Variants in TANC2 observed in about 807,000 individuals in gnomAD.
TANC2 encodes the protein protein TANC2.
In TANC2, 26 loss-of-function variants were observed where a neutral mutation model predicts 210.5. The ratio of observed to expected loss-of-function variants is 0.12; its 90% CI spans 0.09 to 0.17. The LOEUF (loss-of-function observed/expected upper bound fraction) is 0.17, where lower values mean the gene tolerates loss of function less well. TANC2 is among the 10% of genes least tolerant of loss of function. The pLI is 1.00. For synonymous variants in TANC2, 931 were observed against 967.1 expected, an observed-to-expected ratio of 0.96 and a Z score of 0.69; for missense variants, 2,129 against 2,608.9, an observed-to-expected ratio of 0.82 and a Z score of 4.01.
Position 63,230,497 on chromosome 17 carries a change from G to A in TANC2, c.770-7317G>A, listed in dbSNP as rs147631802. 8.7e-4 allele frequency among the ~76,000 whole-genome samples: 132 copies of A among 152,262 alleles called. 1 individual carries two copies. Among genetic ancestry groups the A allele is most frequent in the Non-Finnish European group, 1.6e-3 (109 of 68,020 alleles). On this transcript the variant is annotated intron_variant, in intron 7 of 27. Coordinates refer to ENST00000689528, the Ensembl canonical transcript of TANC2. ...GTACATTGCCTGTTTGTTATCATTG[G>A]TTTCAAATAGCTTCTTGATTTCTGT...
chr17:63,319,108 C>A lies in TANC2; in HGVS notation c.1575+18C>A. On this transcript the variant is annotated intron_variant, in intron 11 of 27. Coordinates refer to ENST00000689528, the Ensembl canonical transcript of TANC2. ...CCTCGCAGGTACAATATGATTCCCA[C>A]GTTGGGGATATGGTAGTTCCATTTT... 6.2e-7 allele frequency: 1 copy of A among 1,604,818 alleles called. No homozygotes were observed. Among genetic ancestry groups the A allele is most frequent in the Non-Finnish European group, 8.5e-7 (1 of 1,175,362 alleles).
chr17:63,313,455 T>C (rs2045199058), intron 9 of TANC2: 1 of 152,196 alleles, frequency 6.6e-6, no homozygotes, highest in African/African-American at 2.4e-5. Context: ...GCACGTCACA[T>C]CAATTCTGCA....
chr17:63,255,183 CA>C (rs1324228562), intron 8 of TANC2, among the ~76,000 whole-genome samples: 3 of 151,952 alleles, frequency 2.0e-5, no homozygotes, highest in Non-Finnish European at 4.4e-5. Flanking sequence ...CGGCTCACTG[CA>C]AGCTCCACCT....
At chr17:63,174,431 A>G (rs2040508798) in intron 5 of TANC2, among the ~76,000 whole-genome samples, 1 of 152,244 alleles carries the variant, frequency 6.6e-6, no homozygotes, top group Non-Finnish European at 1.5e-5. Flanking sequence ...TCCTACGAAC[A>G]TTAAAGAAAG....
At chr17:63,130,679 C>A (rs1310388100) in intron 4 of TANC2, among the ~76,000 whole-genome samples, 1 of 152,002 alleles carries the variant, frequency 6.6e-6, no homozygotes, top group Non-Finnish European at 1.5e-5. Flanking sequence ...ATAATTGAGT[C>A]TGTATAATAA....
chr17:63,412,264 A>G lies in TANC2; in HGVS notation c.3898+134A>G. On this transcript the variant is annotated intron_variant, in intron 23 of 27. Coordinates refer to ENST00000689528, the Ensembl canonical transcript of TANC2. This position sits in a 1 kb window ranked among gnomAD's most constrained non-coding sequence, Gnocchi z 4.2. The stretch of plus-strand genomic sequence containing the variant: ...CCTGGCCCAATTATTGTCCAAGTGA[A>G]CAGAGAGGCTCTTGGCCCAGGGAAA... The G allele has an allele frequency of 7.7e-7, 1 of 1,298,858 alleles. No individual in the cohort carries two copies. Among genetic ancestry groups the G allele is most frequent in the Non-Finnish European group, 1.1e-6 (1 of 946,304 alleles). 80.5% of individuals were successfully genotyped at this position (1,298,858 alleles called of 1,614,324 possible).
chr17:63,188,326 G>T (rs1315602317), intron 5 of TANC2, among the ~76,000 whole-genome samples: 3 of 151,688 alleles, frequency 2.0e-5, no homozygotes, highest in Admixed American at 1.3e-4. Context: ...ATCTGGCTGG[G>T]TGCAGTGGCG....
chr17:63,399,097 G>A, intron 19 of TANC2, 183 bp downstream of exon 19: 1 of 418,248 alleles, frequency 2.4e-6, no homozygotes, highest in Non-Finnish European at 4.3e-6. Context: ...CTTTGCCTGT[G>A]GATTCTCCAT....
intron 7 of TANC2, among the ~76,000 whole-genome samples, chr17:63,218,721 C>T (rs557517400): frequency 5.9e-5 from 9 of 152,038 alleles, no homozygotes; most frequent in Non-Finnish European, 1.2e-4. Context: ...CATGGCGAAA[C>T]CTCCTTTCTA....
intron 9 of TANC2, among the ~76,000 whole-genome samples, chr17:63,273,234 C>T (rs2043769195): frequency 1.3e-5 from 2 of 151,882 alleles, no homozygotes; most frequent in African/African-American, 4.8e-5. Context: ...TACAGTGAGC[C>T]ATGAGCCATT....
rs997966810 is a variant in TANC2 at position 63,354,991 on chromosome 17, A to G, written c.2183A>G (p.Tyr728Cys). 8.1e-6 allele frequency: 13 copies of G among 1,613,804 alleles called. No homozygotes were observed. Among genetic ancestry groups the G allele is most frequent in the Admixed American group, 6.7e-5 (4 of 60,004 alleles). Reference sequence around the variant, plus strand: ...CTCAAGACCCTCAGTCAAGGGTCCTATCTATATCTGAAACTTACATTTGAC... The same window carrying G: ...CTCAAGACCCTCAGTCAAGGGTCCTGTCTATATCTGAAACTTACATTTGAC... The change falls in exon 14 of 28, where the codon TAT becomes TGT. Residue 728 changes from tyrosine (Y) to cysteine (C), a missense_variant. Coordinates refer to ENST00000689528, the Ensembl canonical transcript of TANC2.
At chr17:63,151,432 C>T in intron 5 of TANC2, 52 bp downstream of exon 5, 2 of 887,422 alleles carry the variant, frequency 2.3e-6, no homozygotes, top group Non-Finnish European at 2.7e-6. Context: ...TTGGATCAGG[C>T]CCATCCAGCA....
chr17:63,049,835 GAGA>G (rs2035515067), intron 2 of TANC2, among the ~76,000 whole-genome samples: 1 of 152,164 alleles, frequency 6.6e-6, no homozygotes, highest in African/African-American at 2.4e-5. Flanking sequence ...AGCAGAGGGT[GAGA>G]AGTAGTTTGG....
intron 2 of TANC2, among the ~76,000 whole-genome samples, chr17:63,026,631 C>T (rs2034565554): frequency 1.3e-5 from 2 of 152,072 alleles, no homozygotes; most frequent in South Asian, 4.1e-4. Context: ...GTTCCAGGCT[C>T]ATATTGGATA....
At chr17:63,259,297 G>C (rs907129142) in intron 8 of TANC2, among the ~76,000 whole-genome samples, 1 of 152,130 alleles carries the variant, frequency 6.6e-6, no homozygotes, top group Non-Finnish European at 1.5e-5. Flanking sequence ...GGTTAGTGGA[G>C]GGGTGACGTT....
chr17:63,315,624 A>G (rs1202964898), intron 10 of TANC2, among the ~76,000 whole-genome samples: 1 of 152,184 alleles, frequency 6.6e-6, no homozygotes, highest in Non-Finnish European at 1.5e-5. Context: ...GTCCAAATCA[A>G]TAATCTAGCC....
intron 10 of TANC2, 105 bp downstream of exon 10, chr17:63,314,774 T>C (rs1358880836): frequency 1.6e-5 from 23 of 1,400,924 alleles, no homozygotes; most frequent in Non-Finnish European, 2.2e-5. Context: ...CTGCAAAACC[T>C]GACTTCCACG....
chr17:63,138,719 T>C (rs1358943506), intron 4 of TANC2, among the ~76,000 whole-genome samples: 1 of 152,234 alleles, frequency 6.6e-6, no homozygotes, highest in African/African-American at 2.4e-5. Context: ...GATAAAATCC[T>C]TCACATATTT....
intron 2 of TANC2, among the ~76,000 whole-genome samples, chr17:63,020,995 G>A (rs2034322967): frequency 6.6e-6 from 1 of 152,018 alleles, no homozygotes; most frequent in African/African-American, 2.4e-5. Flanking sequence ...CATTACCATG[G>A]GGAGGGCACC....
Sources: allele counts gnomAD v4.1 joint callset (sites outside exome capture counted in the v4.1 genomes callset), GRCh38; gene constraint gnomAD v4.1.1; non-coding constraint Gnocchi (gnomAD v3.1); transcripts MANE v1.5; gene names NCBI Gene and HGNC (gene_info 2026-07-23, HGNC 2026-07-21).